The following PBX4 variants were observed in gnomAD, a reference collection of about 807,000 sequenced individuals.
PBX4 encodes the protein PBX homeobox 4, also known as pre-B-cell leukemia transcription factor 4.
A neutral mutation model predicts 35.1 loss-of-function variants in PBX4; 26 were observed. That is an observed-to-expected ratio of 0.74 (90% CI 0.54 to 1.03). PBX4 has a LOEUF of 1.03. Ranked by LOEUF, PBX4 falls within the 50% of genes least tolerant of loss-of-function variation. The pLI is 0.00. For synonymous variants in PBX4, 199 were observed against 204.2 expected (o/e 0.97, Z 0.22); for missense variants, 448 against 504.3 (o/e 0.89, Z 1.07).
At chr19:19,588,299 A>G in intron 2 of PBX4, 1 of 1,122,190 alleles carries the variant, frequency 8.9e-7, no homozygotes, top group Non-Finnish European at 1.4e-6. Flanking sequence ...ACCAGAGTGC[A>G]GGGACGCACA....
chr19:19,563,512 G>A lies in PBX4; in HGVS notation c.1029C>T (p.Ser343=), dbSNP rs1340894853. 3 of 1,549,408 alleles carry A rather than the reference G, an allele frequency of 1.9e-6. 1 individual carries two copies. Residue 343 remains serine (S), a synonymous_variant, in exon 7 of 8, where the codon TCC becomes TCT. Transcript: ENST00000251203. The surrounding 1 kb of genome is among the most constrained non-coding windows in gnomAD (Gnocchi z 5.1). ...QPPPGGGCLQ[S]QAQGSWQGAT... ...TGGGACAGTGCCTGAGACTCACCTG[G>A]GACTGCAGGCAGCCTCCCCCAGGAG...
intron 2 of PBX4, among the ~76,000 whole-genome samples, chr19:19,596,231 A>C (rs1441881936): frequency 6.6e-6 from 1 of 152,062 alleles, no homozygotes; most frequent in Non-Finnish European, 1.5e-5. Context: ...GTCTCTACTA[A>C]AAATACAAAA....
Position 19,561,999 on chromosome 19 carries a change from C to T in PBX4, c.*26G>A, listed in dbSNP as rs760890336. 36 of 1,586,810 alleles carry T rather than the reference C, an allele frequency of 2.3e-5. No homozygotes were observed. The highest frequency in any genetic ancestry group is 8.5e-5 in the Admixed American group (5 of 58,672). On this transcript the variant is annotated 3_prime_UTR_variant, in exon 8 of 8. Coordinates refer to ENST00000251203, the MANE Select transcript of PBX4 (RefSeq NM_025245.3). ...TGGCGATACATGGCAGCTCACGCAGCGCTCTTTCCTGCTTATCCCCCAAAC... is the reference window on the plus strand; with the variant it reads ...TGGCGATACATGGCAGCTCACGCAGTGCTCTTTCCTGCTTATCCCCCAAAC...
At position 19,562,819 on chromosome 19, in the gene PBX4, GC is replaced by G. The variant is rs1487336937; in HGVS notation, c.1032+689del. Among the ~76,000 whole-genome samples the G allele has an allele frequency of 6.6e-6, 1 of 152,182 alleles. No homozygotes were observed. Among genetic ancestry groups the G allele is most frequent in the Non-Finnish European group, 1.5e-5 (1 of 68,010 alleles). Reference sequence around the variant, plus strand: ...CCAGGGGTGCAAAGGGCAAGGTGAGGCCCCTCACGTGTGTCCCTGGCTGGGG... The same window carrying G: ...CCAGGGGTGCAAAGGGCAAGGTGAGGCCCTCACGTGTGTCCCTGGCTGGGG... On this transcript the variant is annotated intron_variant, in intron 7 of 7. Coordinates refer to ENST00000251203, the MANE Select transcript of PBX4 (RefSeq NM_025245.3). The surrounding 1 kb of genome is among the most constrained non-coding windows in gnomAD (Gnocchi z 4.8).
Position 19,588,523 on chromosome 19 carries a change from C to G in PBX4, c.193+10769G>C, listed in dbSNP as rs1027255810. ...CGAACTCCTGACCTCGTGATCTACC[C>G]GCCTCACCCTCCGAAAGTGCTGGCA... On this transcript the variant is annotated intron_variant, in intron 2 of 7. Coordinates refer to ENST00000251203, the MANE Select transcript of PBX4 (RefSeq NM_025245.3). 4 of 515,594 alleles carry G rather than the reference C, an allele frequency of 7.8e-6. No individual in the cohort carries two copies. In the Admixed American group the frequency reaches 9.5e-5, roughly 12 times the overall value. The allele number at this position is 515,594 out of a possible 1,614,324, so 31.9% of individuals were successfully genotyped here.
intron 1 of PBX4, 44 bp from the exon 2 acceptor site, chr19:19,599,409 A>G: frequency 1.3e-6 from 2 of 1,516,766 alleles, no homozygotes; most frequent in East Asian, 2.3e-5. Flanking sequence ...AAGAATAGTC[A>G]TCATCTTGTC....
At chr19:19,574,387 G>T (rs2144722218) in intron 2 of PBX4, among the ~76,000 whole-genome samples, 1 of 152,248 alleles carries the variant, frequency 6.6e-6, no homozygotes, top group Non-Finnish European at 1.5e-5. Flanking sequence ...GGCTATACTT[G>T]GTGCCAGCTC....
intron 2 of PBX4, chr19:19,588,333 G>T: frequency 8.8e-7 from 1 of 1,130,438 alleles, no homozygotes; most frequent in Non-Finnish European, 1.3e-6. Context: ...TAACACATTT[G>T]CCATCACATT....
In PBX4 at chr19:19,593,860, C is replaced by T. The variant is rs187474537; in HGVS notation, c.193+5432G>A. ...AGTCCTGAGTGGCCAGGCACAGTGG[C>T]GCCTGCCTGTAACCCCACACCTTGG... On this transcript the variant is annotated intron_variant, in intron 2 of 7. Transcript: ENST00000251203. 1.7e-3 allele frequency among the ~76,000 whole-genome samples: 263 copies of T among 152,140 alleles called. 8 individuals are homozygous for T. The highest frequency in any genetic ancestry group is 5.8e-4 in the East Asian group (3 of 5,164).
intron 1 of PBX4, among the ~76,000 whole-genome samples, chr19:19,615,376 T>C (rs1042195061): frequency 1.3e-4 from 20 of 150,482 alleles, no homozygotes; most frequent in Non-Finnish European, 2.4e-4. Context: ...AATAGTTGTA[T>C]GGTGACAAGG....
intron 2 of PBX4, among the ~76,000 whole-genome samples, chr19:19,588,634 G>A (rs1293936502): frequency 6.6e-6 from 1 of 152,146 alleles, no homozygotes; most frequent in African/African-American, 2.4e-5. Flanking sequence ...GAGCCATGGG[G>A]GAAAGGTCTA....
Position 19,574,837 on chromosome 19 carries a change from G to A in PBX4, c.194-4004C>T, listed in dbSNP as rs117020932. Among the ~76,000 whole-genome samples the A allele has an allele frequency of 2.4e-3, 358 of 151,856 alleles. 1 individual carries two copies. The highest frequency in any genetic ancestry group is 4.2e-3 in the Non-Finnish European group (283 of 67,942). On this transcript the variant is annotated intron_variant, in intron 2 of 7. Coordinates refer to ENST00000251203, the MANE Select transcript of PBX4 (RefSeq NM_025245.3). ...TTGTTTGTTTCAAGAGAATTCAATC[G>A]TTTATTGATTACAACGTTTGTATTT...
intron 1 of PBX4, among the ~76,000 whole-genome samples, chr19:19,617,284 C>T (rs1264920342): frequency 6.6e-6 from 1 of 152,050 alleles, no homozygotes. Context: ...GCTGGGATTA[C>T]CTACCCATGC....
intron 2 of PBX4, among the ~76,000 whole-genome samples, chr19:19,578,452 G>A (rs538714787): frequency 1.3e-5 from 2 of 152,072 alleles, no homozygotes; most frequent in Non-Finnish European, 2.9e-5. Context: ...GCTCAGTTCC[G>A]GTGACTGTTC....
chr19:19,588,725 T>C (rs892596497), intron 2 of PBX4, among the ~76,000 whole-genome samples: 22 of 152,170 alleles, frequency 1.4e-4, no homozygotes, highest in Non-Finnish European at 1.5e-5. Flanking sequence ...GTAACCAGCC[T>C]AGCAACATGC....
chr19:19,569,608 G>A, intron 4 of PBX4, 24 bp from the exon 5 acceptor site: 5 of 1,610,808 alleles, frequency 3.1e-6, no homozygotes, highest in Non-Finnish European at 4.2e-6. Context: ...CGCCTTCGTA[G>A]GCATTAATAT....
chr19:19,579,504 C>T (rs193292612), intron 2 of PBX4, among the ~76,000 whole-genome samples: 12 of 152,350 alleles, frequency 7.9e-5, no homozygotes, highest in African/African-American at 2.9e-4. Flanking sequence ...CCTGACTTCC[C>T]CAAGCTGCTC....
intron 2 of PBX4, 55 bp downstream of exon 2, chr19:19,599,237 G>A: frequency 6.8e-7 from 1 of 1,467,162 alleles, no homozygotes; most frequent in Admixed American, 1.7e-5. Context: ...AATGTGCTGG[G>A]ATTACAGGCA....
At chr19:19,592,009 C>T (rs565678316) in intron 2 of PBX4, among the ~76,000 whole-genome samples, 23 of 151,986 alleles carry the variant, frequency 1.5e-4, no homozygotes, top group Non-Finnish European at 2.2e-4. Context: ...TATAGGCACC[C>T]GCCACCATGC....
Sources: allele counts gnomAD v4.1 joint callset (sites outside exome capture counted in the v4.1 genomes callset), GRCh38; gene constraint gnomAD v4.1.1; non-coding constraint Gnocchi (gnomAD v3.1); transcripts MANE v1.5; gene names NCBI Gene and HGNC (gene_info 2026-07-23, HGNC 2026-07-21).